CLYBL: variants seen among roughly 807,000 people sequenced by gnomAD.
CLYBL encodes the protein citramalyl-CoA lyase, mitochondrial.
In CLYBL, 31 loss-of-function variants were observed where a neutral mutation model predicts 38.9. The ratio of observed to expected loss-of-function variants is 0.80; its 90% CI spans 0.60 to 1.08. The LOEUF is 1.08. CLYBL is among the 50% of genes least tolerant of loss of function. CLYBL has a pLI of 0.00. For synonymous variants in CLYBL, 171 were observed against 158.6 expected (o/e 1.08, Z -0.59); for missense variants, 434 against 411.6 (o/e 1.05, Z -0.47).
chr13:99,648,961 A>T (rs984480687), intron 1 of CLYBL, among the ~76,000 whole-genome samples: 7 of 152,024 alleles, frequency 4.6e-5, no homozygotes, highest in Admixed American at 2.0e-4. Context: ...AAATTTTCTT[A>T]AAAAACTTAA....
intron 2 of CLYBL, among the ~76,000 whole-genome samples, chr13:99,802,379 G>C (rs1346366843): frequency 6.6e-6 from 1 of 151,914 alleles, no homozygotes; most frequent in Non-Finnish European, 1.5e-5. Context: ...CTCTTTTTTG[G>C]TTATTATTGT....
At chr13:99,683,094 G>GTTTT (rs2047761635) in intron 1 of CLYBL, among the ~76,000 whole-genome samples, 1 of 146,808 alleles carries the variant, frequency 6.8e-6, no homozygotes, top group African/African-American at 2.5e-5. Flanking sequence ...TGTTTTGTTT[G>GTTTT]TTTTTGAGAT....
At chr13:99,700,881 C>T (rs1015339308) in intron 1 of CLYBL, among the ~76,000 whole-genome samples, 1 of 152,194 alleles carries the variant, frequency 6.6e-6, no homozygotes. Context: ...AACTTGAAAA[C>T]AAATGATTTA....
At chr13:99,886,083 C>CCCTT (rs1390922975) in intron 7 of CLYBL, among the ~76,000 whole-genome samples, 1 of 152,162 alleles carries the variant, frequency 6.6e-6, no homozygotes, top group Admixed American at 6.5e-5. Context: ...CAAAAAAGGA[C>CCCTT]TCTAGCCGCT....
At chr13:99,714,898 G>A (rs1203456727) in intron 1 of CLYBL, among the ~76,000 whole-genome samples, 2 of 152,010 alleles carry the variant, frequency 1.3e-5, no homozygotes, top group Admixed American at 1.3e-4. Flanking sequence ...GCAGTGAGCC[G>A]AGATCATACC....
chr13:99,841,990 A>G (rs1413690764), intron 2 of CLYBL, among the ~76,000 whole-genome samples: 1 of 150,752 alleles, frequency 6.6e-6, no homozygotes, highest in African/African-American at 2.4e-5. Flanking sequence ...GCTAATTTTT[A>G]TATTTTCAAT....
At chr13:99,680,547 C>A (rs200789515) in intron 1 of CLYBL, among the ~76,000 whole-genome samples, 1 of 152,082 alleles carries the variant, frequency 6.6e-6, no homozygotes, top group Non-Finnish European at 1.5e-5. Context: ...GAAAATAAAC[C>A]CCTCATCCTC....
chr13:99,819,408 G>C, intron 2 of CLYBL, among the ~76,000 whole-genome samples: 1 of 85,848 alleles, frequency 1.2e-5, no homozygotes, highest in Admixed American at 1.2e-4. Context: ...TTATCACTGG[G>C]AAAAAATTTA....
downstream of CLYBL, chr13:99,894,036 G>A (rs1471006587): frequency 6.6e-6 from 1 of 152,188 alleles, no homozygotes; most frequent in African/African-American, 2.4e-5. Context: ...CACAAATCTG[G>A]ACCAAAGTCC....
chr13:99,802,455 G>T (rs1479104317), intron 2 of CLYBL, among the ~76,000 whole-genome samples: 2 of 151,504 alleles, frequency 1.3e-5, no homozygotes, highest in South Asian at 2.1e-4. Flanking sequence ...CACTTATTTT[G>T]GGGGGGTCCA....
intron 2 of CLYBL, among the ~76,000 whole-genome samples, chr13:99,802,843 A>G (rs544614122): frequency 1.6e-4 from 25 of 152,280 alleles, no homozygotes; most frequent in African/African-American, 5.8e-4. Flanking sequence ...TGTATATTCT[A>G]CATGTGCTAT....
intron 7 of CLYBL, among the ~76,000 whole-genome samples, chr13:99,884,467 C>T (rs773390031): frequency 3.3e-5 from 5 of 152,184 alleles, no homozygotes; most frequent in East Asian, 1.9e-4. Context: ...TTAAACATCA[C>T]GTCCCACAGG....
chr13:99,852,845 T>G (rs1451546701), intron 2 of CLYBL, among the ~76,000 whole-genome samples: 1 of 152,244 alleles, frequency 6.6e-6, no homozygotes, highest in Non-Finnish European at 1.5e-5. Flanking sequence ...TTACTCTGCC[T>G]GACTTAATCT....
At chr13:99,794,601 T>TATTATTATTATTATTATTATG (rs1435800651) in intron 2 of CLYBL, among the ~76,000 whole-genome samples, 5 of 149,836 alleles carry the variant, frequency 3.3e-5, no homozygotes, top group African/African-American at 1.2e-4. Flanking sequence ...TTATTATTAT[T>TATTATTATTATTATTATTATG]ATTATTTTGA....
chr13:99,674,065 G>A (rs983013005), intron 1 of CLYBL, among the ~76,000 whole-genome samples: 3 of 151,668 alleles, frequency 2.0e-5, no homozygotes, highest in African/African-American at 7.3e-5. Context: ...GGTAGGGGTG[G>A]AGGTCAAGAG....
At chr13:99,700,182 G>A (rs1364807882) in intron 1 of CLYBL, among the ~76,000 whole-genome samples, 1 of 152,052 alleles carries the variant, frequency 6.6e-6, no homozygotes, top group Non-Finnish European at 1.5e-5. Flanking sequence ...GCCGGGTGCA[G>A]TGGCTCACAC....
chr13:99,870,879 A>G (rs1342545004), intron 6 of CLYBL, 59 bp from the exon 7 acceptor site: 7 of 1,540,576 alleles, frequency 4.5e-6, no homozygotes, highest in Non-Finnish European at 6.1e-6. Context: ...CGATAGAAAC[A>G]TTTTGTTTGA....
chr13:99,821,066 T>TACTTTATGTGATGTAGAAAC (rs1284512047), intron 2 of CLYBL, among the ~76,000 whole-genome samples: 1 of 152,214 alleles, frequency 6.6e-6, no homozygotes, highest in African/African-American at 2.4e-5. Context: ...GATGTAGAAA[T>TACTTTATGTGATGTAGAAAC]ACTTTATGTG....
chr13:99,837,017 T>C (rs1221400649), intron 2 of CLYBL, among the ~76,000 whole-genome samples: 1 of 152,010 alleles, frequency 6.6e-6, no homozygotes, highest in African/African-American at 2.4e-5. Flanking sequence ...TGTGCACATG[T>C]ACCCTAAAAC....
Sources: allele counts gnomAD v4.1 joint callset (sites outside exome capture counted in the v4.1 genomes callset), GRCh38; gene constraint gnomAD v4.1.1; transcripts MANE v1.5; gene names NCBI Gene and HGNC (gene_info 2026-07-23, HGNC 2026-07-21).